Variants in COL28A1 observed in about 807,000 individuals in gnomAD.
The protein encoded by COL28A1 is collagen alpha-1(XXVIII) chain.
A neutral mutation model predicts 150.2 loss-of-function variants in COL28A1; 161 were observed. The ratio of observed to expected loss-of-function variants is 1.07; its 90% confidence interval spans 0.94 to 1.22. COL28A1 has a LOEUF of 1.22. Among genes scored for constraint, COL28A1 ranks in the 50% most tolerant of loss-of-function variants. The pLI, the probability that COL28A1 is intolerant of heterozygous loss-of-function variation, is 0.00. For synonymous variants in COL28A1, 552 were observed against 469.7 expected (o/e 1.18, Z -2.26); for missense variants, 1,617 against 1,388.3 (o/e 1.16, Z -2.62).
chr7:7,528,793 C>T (rs1782174994), intron 3 of COL28A1, among the ~76,000 whole-genome samples: 1 of 152,078 alleles, frequency 6.6e-6, no homozygotes, highest in Non-Finnish European at 1.5e-5. Flanking sequence ...GTTCTCTATC[C>T]TAATTGTGTT....
At chr7:7,418,988 T>C (rs1383921634) in intron 26 of COL28A1, among the ~76,000 whole-genome samples, 1 of 152,182 alleles carries the variant, frequency 6.6e-6, no homozygotes, top group Non-Finnish European at 1.5e-5. Context: ...CTTTTCCCTC[T>C]CCTCTCTGAG....
At chr7:7,471,246 C>A (rs557192703) in intron 15 of COL28A1, among the ~76,000 whole-genome samples, 1 of 149,186 alleles carries the variant, frequency 6.7e-6, no homozygotes, top group South Asian at 2.1e-4. Flanking sequence ...AAATTACCAA[C>A]AAAAAATGTC....
At chr7:7,379,503 C>T (rs991388282) in intron 30 of COL28A1, among the ~76,000 whole-genome samples, 1 of 152,026 alleles carries the variant, frequency 6.6e-6, no homozygotes, top group Admixed American at 6.6e-5. Flanking sequence ...TTTATCACTC[C>T]GTAGGTGAAC....
Position 7,507,126 on chromosome 7 carries a change from T to A in COL28A1, c.963A>T (p.Arg321Ser), listed in dbSNP as rs778755565. 7.8e-7 allele frequency: 1 copy of A among 1,283,042 alleles called. No homozygotes were observed. Among genetic ancestry groups the A allele is most frequent in the Admixed American group, 1.7e-5 (1 of 59,216 alleles). The allele number at this position is 1,283,042 out of a possible 1,614,324, so 79.5% of individuals were successfully genotyped here. Residue 321 changes from arginine (R) to serine (S), a missense_variant, in exon 10 of 35, where the codon AGA becomes AGT. Arg to Ser is a moderately radical substitution (Grantham distance 110). Transcript: ENST00000399429. ...SPGPYGPKGP[R>S]GIQGITGPPG... ...GTTTTAACCCCCTTACCTGAATTCCTCTGGGTCCCTTTGGTCCATATGGCC... is the reference window on the plus strand; with the variant it reads ...GTTTTAACCCCCTTACCTGAATTCCACTGGGTCCCTTTGGTCCATATGGCC...
At chr7:7,525,500 G>A (rs1402234325) in intron 3 of COL28A1, among the ~76,000 whole-genome samples, 1 of 152,116 alleles carries the variant, frequency 6.6e-6, no homozygotes, top group Non-Finnish European at 1.5e-5. Context: ...TGTCAAACCA[G>A]TGCCTTGTGA....
rs370500336 is a variant in COL28A1, at chr7:7,373,404, C to T, written c.2502G>A (p.Thr834=). ...MADRVALDLA[T]ARIGIINYSH... ...TATAGTTGATTATGCCTATGCGGGC[C>T]GTGGCAAGGTCCAGAGCAACCCGGT... The change falls in exon 32 of 35, where the codon ACG becomes ACA. Residue 834 remains threonine, a synonymous_variant. Transcript: ENST00000399429. This position sits in a 1 kb window ranked among gnomAD's most constrained non-coding sequence, Gnocchi z 4.1. The T allele has an allele frequency of 4.4e-5, 71 of 1,613,998 alleles. No individual in the cohort carries two copies. The highest frequency in any genetic ancestry group is 3.3e-4 in the Middle Eastern group (2 of 6,084).
At chr7:7,408,322 G>A (rs1783601549) in intron 27 of COL28A1, among the ~76,000 whole-genome samples, 1 of 152,086 alleles carries the variant, frequency 6.6e-6, no homozygotes, top group South Asian at 2.1e-4. Context: ...TCCTTTGTTA[G>A]AGATTCTGTA....
At chr7:7,441,866 C>T (rs1016616873) in intron 20 of COL28A1, among the ~76,000 whole-genome samples, 10 of 152,218 alleles carry the variant, frequency 6.6e-5, no homozygotes, top group African/African-American at 2.4e-4. Context: ...ATGGTCCACA[C>T]TAATGTAAAG....
At chr7:7,423,966 A>T (rs547931310) in intron 25 of COL28A1, among the ~76,000 whole-genome samples, 1 of 152,172 alleles carries the variant, frequency 6.6e-6, no homozygotes, top group Admixed American at 6.5e-5. Context: ...GATGTGTTCC[A>T]TGTCATCTGT....
At chr7:7,375,561 A>C in intron 30 of COL28A1, 64 bp from the exon 31 acceptor site, 2 of 1,066,684 alleles carry the variant, frequency 1.9e-6, no homozygotes, top group Non-Finnish European at 2.7e-6. Flanking sequence ...CTAGAGCCAT[A>C]AAAGATATCT....
intron 26 of COL28A1, among the ~76,000 whole-genome samples, chr7:7,419,046 T>C (rs1784256587): frequency 6.6e-6 from 1 of 152,216 alleles, no homozygotes. Context: ...AATATACCAA[T>C]TCAAAATTTG....
At chr7:7,382,246 G>C (rs1225757787) in intron 27 of COL28A1, among the ~76,000 whole-genome samples, 1 of 151,676 alleles carries the variant, frequency 6.6e-6, no homozygotes, top group African/African-American at 2.4e-5. Context: ...GGAGGCAGAG[G>C]TTGCAATAAG....
At chr7:7,404,155 A>T (rs1437761885) in intron 27 of COL28A1, among the ~76,000 whole-genome samples, 1 of 152,128 alleles carries the variant, frequency 6.6e-6, no homozygotes, top group East Asian at 1.9e-4. Context: ...GGCAGGGCCA[A>T]GCAAATAGAA....
Position 7,456,032 on chromosome 7 carries a change from T to C in COL28A1, c.1371+12A>G, listed in dbSNP as rs755819717. ...TTCTGCACTGAAGGGAAAGGAAGAA[T>C]GCATTAATTACCTGTTCCCCTTGAC... On this transcript the variant is annotated intron_variant, in intron 16 of 34. Transcript: ENST00000399429. 3.7e-6 allele frequency: 6 copies of C among 1,613,824 alleles called. 1 individual carries two copies. The highest frequency in any genetic ancestry group is 3.3e-5 in the South Asian group (3 of 91,044).
Position 7,373,462 on chromosome 7 carries a change from T to G in COL28A1, c.2444A>C (p.Gln815Pro), listed in dbSNP as rs767376507. ...SSESVGPENF[Q>P]IIKNFVKTMA... ...AGTCTTCACAAAATTTTTAATGATC[T>G]GAAAGTTCTCTGGCCCCACGCTTTC... Residue 815 changes from glutamine (Q) to proline (P), a missense_variant, in exon 32 of 35, where the codon CAG becomes CCG. Transcript: ENST00000399429. This position sits in a 1 kb window ranked among gnomAD's most constrained non-coding sequence, Gnocchi z 4.1. 1.4e-5 allele frequency: 22 copies of G among 1,614,168 alleles called. No individual in the cohort carries two copies. In the South Asian group the frequency reaches 1.9e-4, roughly 14 times the overall value.
intron 15 of COL28A1, among the ~76,000 whole-genome samples, 169 bp from the exon 16 acceptor site, chr7:7,456,281 A>C (rs1042606625): frequency 3.3e-5 from 5 of 152,240 alleles, no homozygotes; most frequent in Admixed American, 6.5e-5. Flanking sequence ...TTATAATTCA[A>C]ATTCCCCAAA....
intron 20 of COL28A1, among the ~76,000 whole-genome samples, chr7:7,443,196 G>A (rs1179596290): frequency 6.6e-6 from 1 of 152,114 alleles, no homozygotes; most frequent in Non-Finnish European, 1.5e-5. Context: ...TTTATGCCAA[G>A]TTGTGAAGTG....
intron 11 of COL28A1, among the ~76,000 whole-genome samples, chr7:7,497,061 A>AGAAGGAAGAAAG (rs1313785409): frequency 2.2e-5 from 3 of 137,038 alleles, no homozygotes; most frequent in African/African-American, 5.1e-5. Context: ...GAGGGAGGGA[A>AGAAGGAAGAAAG]GAAGGAAGAA....
downstream of COL28A1, among the ~76,000 whole-genome samples, chr7:7,354,827 G>C (rs1562448147): frequency 6.6e-6 from 1 of 152,146 alleles, no homozygotes; most frequent in East Asian, 1.9e-4. Context: ...AGCAGGTTTG[G>C]CTTTATGCAG....
Sources: gnomAD v4.1 joint callset for allele counts (sites outside exome capture counted in the v4.1 genomes callset) on GRCh38, gnomAD v4.1.1 for gene constraint, Gnocchi (gnomAD v3.1) non-coding constraint, MANE v1.5 for transcripts, NCBI Gene and HGNC (gene_info 2026-07-23, HGNC 2026-07-21) for gene names.